Variants in ATG7 observed in about 807,000 individuals in gnomAD.
ATG7 encodes ubiquitin-like modifier-activating enzyme ATG7.
Under a neutral mutation model 82.4 loss-of-function variants are expected in ATG7, and 70 were observed. That is an observed-to-expected ratio of 0.85 (90% CI 0.70 to 1.04). ATG7 has a LOEUF of 1.04. Among genes scored for constraint, ATG7 ranks in the 50% least tolerant of loss-of-function variants. The pLI is 0.00. For missense variants in ATG7, 792 were observed against 864.3 expected, an observed-to-expected ratio of 0.92 and a Z score of 1.05; for synonymous variants, 287 against 313.0, an observed-to-expected ratio of 0.92 and a Z score of 0.88.
intron 20 of ATG7, among the ~76,000 whole-genome samples, chr3:11,534,004 C>A (rs1220022497): frequency 1.3e-5 from 2 of 152,188 alleles, no homozygotes; most frequent in African/African-American, 2.4e-5. Context: ...AAGGAAAAGT[C>A]CAGAATTTCA....
At chr3:11,370,231 A>G (rs1185877408) in intron 18 of ATG7, among the ~76,000 whole-genome samples, 1 of 151,204 alleles carries the variant, frequency 6.6e-6, no homozygotes, top group Admixed American at 6.6e-5. Flanking sequence ...TCTGAAAGCA[A>G]TGAGTAGAGA....
At chr3:11,543,826 G>T (rs968984659) in intron 20 of ATG7, among the ~76,000 whole-genome samples, 1 of 152,154 alleles carries the variant, frequency 6.6e-6, no homozygotes, top group African/African-American at 2.4e-5. Flanking sequence ...TGCTTGAACC[G>T]CGGACCTCTG....
intron 19 of ATG7, among the ~76,000 whole-genome samples, chr3:11,385,750 A>C (rs1178225059): frequency 6.6e-6 from 1 of 152,214 alleles, no homozygotes; most frequent in Non-Finnish European, 1.5e-5. Flanking sequence ...CCTAGGGGAG[A>C]GAACACAAGG....
At chr3:11,382,071 A>G (rs1325830456) in intron 19 of ATG7, among the ~76,000 whole-genome samples, 2 of 152,226 alleles carry the variant, frequency 1.3e-5, no homozygotes, top group African/African-American at 4.8e-5. Context: ...TTAAAAATTT[A>G]TCCTTTGACA....
intron 14 of ATG7, among the ~76,000 whole-genome samples, chr3:11,351,924 C>T (rs139791885): frequency 0.038 from 5,754 of 150,788 alleles, 120 homozygotes; most frequent in African/African-American, 0.051. Context: ...CATATGTATA[C>T]ATGTGCCATG....
At chr3:11,298,641 G>A (rs900513389) in intron 3 of ATG7, 45 bp from the exon 4 acceptor site, 23 of 1,557,384 alleles carry the variant, frequency 1.5e-5, no homozygotes, top group Non-Finnish European at 1.9e-5. Context: ...ACCAGGTTTT[G>A]CATGGATATG....
At chr3:11,315,791 A>G (rs941852556) in intron 9 of ATG7, among the ~76,000 whole-genome samples, 2 of 152,262 alleles carry the variant, frequency 1.3e-5, no homozygotes, top group Middle Eastern at 3.4e-3. Context: ...CAGTGGCGCA[A>G]TCTTGGCTTA....
chr3:11,412,023 T>A (rs1426335026), intron 19 of ATG7, among the ~76,000 whole-genome samples: 1 of 151,918 alleles, frequency 6.6e-6, no homozygotes, highest in East Asian at 1.9e-4. Flanking sequence ...TAGGTCCTGC[T>A]GCTGCTTGGT....
chr3:11,412,451 A>T (rs1049719308), intron 19 of ATG7, among the ~76,000 whole-genome samples: 1 of 152,056 alleles, frequency 6.6e-6, no homozygotes, highest in Non-Finnish European at 1.5e-5. Context: ...TCTTGTCAAA[A>T]ATTGAGACTG....
At chr3:11,519,405 T>C (rs2092371371) in intron 20 of ATG7, among the ~76,000 whole-genome samples, 1 of 152,096 alleles carries the variant, frequency 6.6e-6, no homozygotes, top group Non-Finnish European at 1.5e-5. Flanking sequence ...GTTTTGATGC[T>C]ATTCTTGGGA....
chr3:11,537,765 T>C (rs905632039), intron 20 of ATG7, among the ~76,000 whole-genome samples: 1 of 152,302 alleles, frequency 6.6e-6, no homozygotes, highest in East Asian at 1.9e-4. Flanking sequence ...TCCAGTTGTT[T>C]TATGTATCCT....
intron 18 of ATG7, among the ~76,000 whole-genome samples, chr3:11,372,829 TGTGTGTGCGTGCGTGCGTGTGC>T (rs888984652): frequency 2.7e-5 from 3 of 112,846 alleles, no homozygotes; most frequent in African/African-American, 1.4e-4. Context: ...CGCGTGTGCG[TGTGTGTGCGTGCGTGCGTGTGC>T]GTGTGTGTGT....
intron 19 of ATG7, among the ~76,000 whole-genome samples, chr3:11,389,024 G>C (rs1394952608): frequency 6.6e-6 from 1 of 151,934 alleles, no homozygotes; most frequent in Non-Finnish European, 1.5e-5. Flanking sequence ...GAGGGGGGCA[G>C]ATCACCTGAG....
At chr3:11,275,515 ATTTTTT>A (rs34040398) in intron 1 of ATG7, among the ~76,000 whole-genome samples, 5 of 109,208 alleles carry the variant, frequency 4.6e-5, no homozygotes, top group African/African-American at 1.9e-4. Context: ...TGCCCGGCTA[ATTTTTT>A]TTTTTTTTTT....
chr3:11,459,990 G>A (rs1451356868), intron 20 of ATG7, among the ~76,000 whole-genome samples: 1 of 152,218 alleles, frequency 6.6e-6, no homozygotes, highest in Non-Finnish European at 1.5e-5. Flanking sequence ...CCTCTTACAT[G>A]TCTCAAATCG....
chr3:11,466,523 G>A (rs905717487), intron 20 of ATG7, among the ~76,000 whole-genome samples: 1 of 152,182 alleles, frequency 6.6e-6, no homozygotes, highest in Admixed American at 6.5e-5. Context: ...GGACTCTTCT[G>A]GAAGGCAGCA....
intron 9 of ATG7, 119 bp downstream of exon 9, chr3:11,315,612 G>A (rs1949287830): frequency 1.1e-6 from 1 of 925,632 alleles, no homozygotes. Flanking sequence ...TTCAAAGGAT[G>A]TTTAAGAACA....
At chr3:11,462,988 C>G (rs1173433603) in intron 20 of ATG7, among the ~76,000 whole-genome samples, 4 of 151,868 alleles carry the variant, frequency 2.6e-5, no homozygotes, top group Non-Finnish European at 4.4e-5. Context: ...TGGGTTCAAG[C>G]GATTCTTCCA....
intron 3 of ATG7, among the ~76,000 whole-genome samples, chr3:11,283,856 C>T (rs145074081): frequency 8.5e-5 from 13 of 152,212 alleles, no homozygotes; most frequent in Non-Finnish European, 1.6e-4. Context: ...CGCTTGAACC[C>T]GGTAGACGGA....
Sources: gnomAD v4.1 joint callset for allele counts (sites outside exome capture counted in the v4.1 genomes callset) on GRCh38, gnomAD v4.1.1 for gene constraint, MANE v1.5 for transcripts, NCBI Gene and HGNC (gene_info 2026-07-23, HGNC 2026-07-21) for gene names.